The following MGAT4B variants were observed in gnomAD, a reference collection of about 807,000 sequenced individuals.
MGAT4B encodes the protein alpha-1,3-mannosyl-glycoprotein 4-beta-N-acetylglucosaminyltransferase B.
Under a neutral mutation model 73.9 loss-of-function variants are expected in MGAT4B, and 38 were observed. The ratio of observed to expected loss-of-function variants is 0.51; its 90% CI spans 0.40 to 0.67. The LOEUF (loss-of-function observed/expected upper bound fraction) is 0.67, where lower values mean the gene tolerates loss of function less well. Ranked by LOEUF, MGAT4B falls within the 30% of genes least tolerant of loss-of-function variation. The pLI is 0.00. For synonymous variants in MGAT4B, 373 were observed against 313.5 expected (o/e 1.19, Z -2.01); for missense variants, 686 against 735.2 (o/e 0.93, Z 0.77).
At chr5:179,798,631 G>T in intron 11 of MGAT4B, 40 bp from the exon 12 acceptor site, 2 of 1,601,986 alleles carry the variant, frequency 1.2e-6, no homozygotes, top group Non-Finnish European at 1.7e-6. Flanking sequence ...CAGGGGCAGC[G>T]TTCCAGCACA....
chr5:179,799,936 G>A lies in MGAT4B; in HGVS notation c.910+18C>T, dbSNP rs756491265. 1.2e-5 allele frequency: 19 copies of A among 1,598,368 alleles called. No homozygotes were observed. In the African/African-American group the frequency reaches 1.3e-4, roughly 11 times the overall value. On this transcript the variant is annotated intron_variant, in intron 8 of 14. Transcript: ENST00000292591. The stretch of plus-strand genomic sequence containing the variant: ...AGGTGGGACTGAAAGGCACCGTCAG[G>A]TAAGGGGAGGGGCACACCAATGAAG...
At chr5:179,802,135 A>G (rs1414419105) in intron 1 of MGAT4B, 166 bp from the exon 2 acceptor site, 2 of 1,525,262 alleles carry the variant, frequency 1.3e-6, no homozygotes, top group Non-Finnish European at 1.8e-6. Context: ...CTAAAATTAC[A>G]CTGACACTAA....
At position 179,799,225 on chromosome 5, in the gene MGAT4B, G is replaced by T. The variant is rs1238504924; in HGVS notation, c.1127C>A (p.Ala376Asp). The change falls in exon 10 of 15, where the codon GCT becomes GAT. Residue 376 changes from alanine to aspartate, a missense_variant. Physicochemically the swap from Ala to Asp is moderately radical, Grantham distance 126. Coordinates refer to ENST00000292591, the MANE Select transcript of MGAT4B (RefSeq NM_014275.5). ...FQHVGTHSSL[A>D]GKIQKLKDKD... is the part of the protein sequence containing the mutation. ...CACCTTCAGTTTCTGGATCTTGCCA[G>T]CCAGCGAGGAGTGAGTGCCCACGTG... is the stretch of plus-strand genomic sequence containing the variant. 6.2e-7 allele frequency: 1 copy of T among 1,613,896 alleles called. No homozygotes were observed. Among genetic ancestry groups the T allele is most frequent in the Non-Finnish European group, 8.5e-7 (1 of 1,180,030 alleles).
At position 179,801,708 on chromosome 5, in the gene MGAT4B, G is replaced by C. The variant is rs1301654638; in HGVS notation, c.284-14C>G. 6.2e-7 allele frequency: 1 copy of C among 1,605,806 alleles called. No individual in the cohort carries two copies. The highest frequency in any genetic ancestry group is 8.5e-7 in the Non-Finnish European group (1 of 1,177,558). On this transcript the variant is annotated splice_polypyrimidine_tract_variant and intron_variant, in intron 2 of 14. Coordinates refer to ENST00000292591, the MANE Select transcript of MGAT4B (RefSeq NM_014275.5). The surrounding 1 kb of genome is among the most constrained non-coding windows in gnomAD (Gnocchi z 4.8). ...ATCGGGGGTCCTCTGGGTGGGTCGG[G>C]AAGGATCGGGACTGAGACCAGGGAA...
chr5:179,805,560 G>A lies in MGAT4B; in HGVS notation c.97+927C>T, dbSNP rs569847804. 2.6e-5 allele frequency among the ~76,000 whole-genome samples: 4 copies of A among 152,338 alleles called. No individual in the cohort carries two copies. In the South Asian group the frequency reaches 6.2e-4, roughly 24 times the overall value. Reference sequence around the variant, plus strand: ...GCAGGCGGGCGTGCTGGCAGAGCTCGGCGTGGGTAGATGGAGCTCGGAGGG... The same window carrying A: ...GCAGGCGGGCGTGCTGGCAGAGCTCAGCGTGGGTAGATGGAGCTCGGAGGG... On this transcript the variant is annotated intron_variant, in intron 1 of 14. Coordinates refer to ENST00000292591, the MANE Select transcript of MGAT4B (RefSeq NM_014275.5).
At chr5:179,799,803 G>T in intron 8 of MGAT4B, 151 bp downstream of exon 8, 1 of 1,246,730 alleles carries the variant, frequency 8.0e-7, no homozygotes, top group Non-Finnish European at 1.1e-6. Flanking sequence ...TGATGCACAG[G>T]CAATGAGAAC....
intron 8 of MGAT4B, 137 bp downstream of exon 8, chr5:179,799,816 GC>G: frequency 8.3e-7 from 1 of 1,209,532 alleles, no homozygotes; most frequent in Non-Finnish European, 1.2e-6. Context: ...ATGAGAACAG[GC>G]CAGGTGGGGC....
intron 10 of MGAT4B, 26 bp from the exon 11 acceptor site, chr5:179,799,147 A>T: frequency 6.2e-7 from 1 of 1,613,928 alleles, no homozygotes; most frequent in Non-Finnish European, 8.5e-7. Context: ...GACAGCAGTG[A>T]TGGCGTGGGC....
Position 179,797,806 on chromosome 5 carries a change from G to T in MGAT4B, c.*239C>A. ...TGACTGGGGCAGGCCGGGTGCGAAC[G>T]GTTCCGGGCCTCAGGCACAGTGTGG... On this transcript the variant is annotated 3_prime_UTR_variant, in exon 15 of 15. Transcript: ENST00000292591. 1 of 500,308 alleles carries T rather than the reference G, an allele frequency of 2.0e-6. No homozygotes were observed. Among genetic ancestry groups the T allele is most frequent in the Non-Finnish European group, 3.5e-6 (1 of 288,406 alleles). 31.0% of individuals were successfully genotyped at this position (500,308 alleles called of 1,614,324 possible).
At position 179,798,584 on chromosome 5, in the gene MGAT4B, A is replaced by G; in HGVS notation, c.1351T>C (p.Phe451Leu). The change falls in exon 12 of 15, where the codon TTC becomes CTC. Residue 451 changes from phenylalanine (F) to leucine (L), a missense_variant. Physicochemically the swap from Phe to Leu is conservative, Grantham distance 22. This residue lies in a region of MGAT4B where 449 missense variants were observed against 536.8 expected (regional missense o/e 0.84). Coordinates refer to ENST00000292591, the MANE Select transcript of MGAT4B (RefSeq NM_014275.5). The part of the protein sequence containing the change: ...FQPLRLERFF[F>L]RSGNIEHPED... ...GGGTGCTCGATGTTCCCACTGCGGA[A>G]GAAGAACCTGCAGCCAGGCAGGCCT... 6.2e-7 allele frequency: 1 copy of G among 1,613,424 alleles called. No individual in the cohort carries two copies. Among genetic ancestry groups the G allele is most frequent in the Non-Finnish European group, 8.5e-7 (1 of 1,179,996 alleles).
rs752517662 is a variant in MGAT4B at position 179,799,529 on chromosome 5, C to T, written c.1018G>A (p.Val340Ile). The T allele has an allele frequency of 1.9e-6, 3 of 1,613,988 alleles. No individual in the cohort carries two copies. The highest frequency in any genetic ancestry group is 1.7e-6 in the Non-Finnish European group (2 of 1,180,020). ...WLLDHILWVK[V>I]CNPEKDAKHC... The stretch of plus-strand genomic sequence containing the variant: ...ACCGCATCCTTCTCGGGGTTGCAGA[C>T]TTTCACCCACAGAATATGGTCCAGG... The change falls in exon 9 of 15, where the codon GTC (valine) becomes ATC (isoleucine). Residue 340 changes from valine (V) to isoleucine (I), a missense_variant. Transcript: ENST00000292591.
At chr5:179,802,617 C>A in intron 1 of MGAT4B, 1 of 989,260 alleles carries the variant, frequency 1.0e-6, no homozygotes. Context: ...TCTCTGGAGA[C>A]CTGTGCTGCG....
At position 179,798,969 on chromosome 5, in the gene MGAT4B, G is replaced by A. The variant is rs759050954; in HGVS notation, c.1302C>T (p.Asp434=). ...GTTGGAAGAAGCGGAAGCGGATGAA[G>A]TCCCCCGCGGCAGGGGTGAAGGCCC... ...FFWAFTPAAG[D]FIRFRFFQPL... Residue 434 remains aspartate, a synonymous_variant, in exon 11 of 15, where the codon GAC becomes GAT. Transcript: ENST00000292591. 3 of 1,613,736 alleles carry A rather than the reference G, an allele frequency of 1.9e-6. No individual in the cohort carries two copies. The highest frequency in any genetic ancestry group is 1.1e-5 in the South Asian group (1 of 91,092).
In MGAT4B at chr5:179,797,751, C is replaced by T. The variant is rs1229872607; in HGVS notation, c.*294G>A. 5 of 389,700 alleles carry T rather than the reference C, an allele frequency of 1.3e-5. 1 individual carries two copies. Among genetic ancestry groups the T allele is most frequent in the Middle Eastern group, 1.3e-3 (2 of 1,482 alleles). The allele number at this position is 389,700 out of a possible 1,614,324, so 24.1% of individuals were successfully genotyped here. ...CAGTGTTCGCGCCAGAGACGGCGGG[C>T]GCCCAAGTAAAAGCTCTTCTAAAAC... is the stretch of plus-strand genomic sequence containing the variant. On this transcript the variant is annotated 3_prime_UTR_variant, in exon 15 of 15. Coordinates refer to ENST00000292591, the MANE Select transcript of MGAT4B (RefSeq NM_014275.5).
intron 1 of MGAT4B, chr5:179,804,810 G>C (rs976996438): frequency 6.6e-6 from 1 of 152,180 alleles, no homozygotes; most frequent in Non-Finnish European, 1.5e-5. Flanking sequence ...ATGTGACAAC[G>C]AGATGGGTTC....
At position 179,801,653 on chromosome 5, in the gene MGAT4B, C is replaced by T. The variant is rs371583458; in HGVS notation, c.325G>A (p.Val109Met). Reference sequence around the variant, plus strand: ...TGGAAGACGGTGGGCAGGTGCAGCACGTGCCGGTGTGAGCCGTTCCACGGC... The same window carrying T: ...TGGAAGACGGTGGGCAGGTGCAGCATGTGCCGGTGTGAGCCGTTCCACGGC... ...LKPWNGSHRH[V>M]LHLPTVFHHL... The change falls in exon 3 of 15, where the codon GTG (valine) becomes ATG (methionine). Residue 109 changes from valine to methionine, a missense_variant. Around this residue, in one of 2 missense-constraint regions of MGAT4B, gnomAD observed 237 missense variants for 198.5 expected, o/e 1.19. Coordinates refer to ENST00000292591, the MANE Select transcript of MGAT4B (RefSeq NM_014275.5). This position sits in a 1 kb window ranked among gnomAD's most constrained non-coding sequence, Gnocchi z 4.8. 142 of 1,606,622 alleles carry T rather than the reference C, an allele frequency of 8.8e-5. No individual in the cohort carries two copies. Among genetic ancestry groups the T allele is most frequent in the Admixed American group, 1.4e-4 (8 of 58,702 alleles).
chr5:179,798,654 C>T, intron 11 of MGAT4B, 63 bp from the exon 12 acceptor site: 5 of 1,576,276 alleles, frequency 3.2e-6, no homozygotes, highest in Non-Finnish European at 4.3e-6. Flanking sequence ...ACCCAGGGCC[C>T]AGCAGAGAAA....
Position 179,801,846 on chromosome 5 carries a change from G to A in MGAT4B, c.221C>T (p.Ala74Val). 6.2e-7 allele frequency: 1 copy of A among 1,608,740 alleles called. No homozygotes were observed. Among genetic ancestry groups the A allele is most frequent in the Non-Finnish European group, 8.5e-7 (1 of 1,176,094 alleles). ...TCGCAGCGCCTGCCTTTCTGACACGGCCCTCTTGATCTCGTCCAGCACCAG... is the reference window on the plus strand; with the variant it reads ...TCGCAGCGCCTGCCTTTCTGACACGACCCTCTTGATCTCGTCCAGCACCAG... ...LNLVLDEIKR[A>V]VSERQALRDG... Residue 74 changes from alanine to valine, a missense_variant, in exon 2 of 15, where the codon GCC becomes GTC. Physicochemically the swap from Ala to Val is moderately conservative, Grantham distance 64. Around this residue, in one of 2 missense-constraint regions of MGAT4B, gnomAD observed 237 missense variants for 198.5 expected, o/e 1.19. Coordinates refer to ENST00000292591, the MANE Select transcript of MGAT4B (RefSeq NM_014275.5). The surrounding 1 kb of genome is among the most constrained non-coding windows in gnomAD (Gnocchi z 4.8).
intron 8 of MGAT4B, 41 bp downstream of exon 8, chr5:179,799,913 G>A: frequency 6.5e-7 from 1 of 1,539,996 alleles, no homozygotes; most frequent in South Asian, 1.1e-5. Flanking sequence ...GCAGAGGCAG[G>A]TGGGACTGAA....
Sources: gnomAD v4.1 joint callset for allele counts (sites outside exome capture counted in the v4.1 genomes callset) on GRCh38, gnomAD v4.1.1 for gene constraint, gnomAD v4.1.1 regional missense constraint, Gnocchi (gnomAD v3.1) non-coding constraint, MANE v1.5 for transcripts, NCBI Gene and HGNC (gene_info 2026-07-23, HGNC 2026-07-21) for gene names.